MAML2: variants seen among roughly 807,000 people sequenced by gnomAD.
MAML2 encodes mastermind like transcriptional coactivator 2.
Under a neutral mutation model 96.1 loss-of-function variants are expected in MAML2, and 22 were observed. The observed-to-expected ratio is 0.23, with a 90% CI of 0.16 to 0.33. The LOEUF is 0.33. Among genes scored for constraint, MAML2 ranks in the 10% least tolerant of loss-of-function variants. The pLI, the probability that MAML2 is intolerant of heterozygous loss-of-function variation, is 1.00. For missense variants in MAML2, 1,367 were observed against 1,392.4 expected (o/e 0.98, Z 0.29); for synonymous variants, 561 against 521.3 (o/e 1.08, Z -1.04).
chr11:96,120,773 T>G (rs1860324604), intron 1 of MAML2, among the ~76,000 whole-genome samples: 1 of 152,208 alleles, frequency 6.6e-6, no homozygotes, highest in Non-Finnish European at 1.5e-5. Flanking sequence ...CCAAGAATTG[T>G]ATTTTTAAAA....
intron 2 of MAML2, among the ~76,000 whole-genome samples, chr11:96,005,623 C>T (rs1378701409): frequency 6.6e-6 from 1 of 152,076 alleles, no homozygotes; most frequent in Non-Finnish European, 1.5e-5. Context: ...AGGTGGTTGT[C>T]TTCTGATGAC....
In MAML2 at chr11:96,240,474, C is replaced by G. The variant is rs188812087; in HGVS notation, c.513+100909G>C. ...CTGAGGCAGGAGAATGGCGTGAACC[C>G]CGGGAGGCAGAGCTTGCAGTGAGCC... On this transcript the variant is annotated intron_variant, in intron 1 of 4. Transcript: ENST00000524717. 2.5e-3 allele frequency among the ~76,000 whole-genome samples: 350 copies of G among 142,202 alleles called. 1 individual carries two copies. Among genetic ancestry groups the G allele is most frequent in the African/African-American group, 8.8e-3 (339 of 38,600 alleles). 93.3% of individuals were successfully genotyped at this position (142,202 alleles called of 152,430 possible). A position where few individuals can be genotyped will look rare whatever the true frequency, so the allele number is the denominator to read the frequency against.
At chr11:96,141,067 G>C (rs1315898368) in intron 1 of MAML2, among the ~76,000 whole-genome samples, 1 of 152,112 alleles carries the variant, frequency 6.6e-6, no homozygotes, top group African/African-American at 2.4e-5. Context: ...CCATACTGTT[G>C]ACCATATCTT....
chr11:96,202,478 C>T (rs1313425845), intron 1 of MAML2, among the ~76,000 whole-genome samples: 1 of 152,036 alleles, frequency 6.6e-6, no homozygotes, highest in Non-Finnish European at 1.5e-5. Flanking sequence ...TAGGAAAGTG[C>T]TAATTGCTTC....
At chr11:96,232,466 A>G (rs1003600810) in intron 1 of MAML2, among the ~76,000 whole-genome samples, 2 of 122,198 alleles carry the variant, frequency 1.6e-5, no homozygotes, top group African/African-American at 5.7e-5. Context: ...AAAGAAAAGG[A>G]AGGCATTTTT....
At chr11:96,155,550 A>ATATATATATATATATATATATG (rs1860999536) in intron 1 of MAML2, among the ~76,000 whole-genome samples, 2 of 128,320 alleles carry the variant, frequency 1.6e-5, no homozygotes, top group Admixed American at 7.9e-5. Context: ...ATATATATAT[A>ATATATATATATATATATATATG]TGAGGAAAGT....
chr11:96,323,568 A>G (rs1863738031), intron 1 of MAML2, among the ~76,000 whole-genome samples: 1 of 152,152 alleles, frequency 6.6e-6, no homozygotes. Flanking sequence ...GGCACTTACA[A>G]TGAATTAACT....
intron 2 of MAML2, among the ~76,000 whole-genome samples, 184 bp from the exon 3 acceptor site, chr11:95,991,907 C>T (rs1857920286): frequency 6.6e-6 from 1 of 152,064 alleles, no homozygotes; most frequent in South Asian, 2.1e-4. Flanking sequence ...AACACAGCAA[C>T]CAAAGCAGCT....
chr11:96,175,291 T>C (rs1861367098), intron 1 of MAML2, among the ~76,000 whole-genome samples: 1 of 152,202 alleles, frequency 6.6e-6, no homozygotes, highest in Admixed American at 6.5e-5. Flanking sequence ...GGAAACCAAA[T>C]TAAACTTTGT....
intron 1 of MAML2, among the ~76,000 whole-genome samples, chr11:96,183,601 G>A (rs1861525469): frequency 2.0e-5 from 3 of 150,674 alleles, no homozygotes; most frequent in Non-Finnish European, 3.0e-5. Flanking sequence ...GCAACAGGGG[G>A]ATCTCCCTGT....
intron 2 of MAML2, among the ~76,000 whole-genome samples, chr11:96,043,999 A>G (rs977213261): frequency 2.0e-5 from 3 of 152,250 alleles, no homozygotes; most frequent in African/African-American, 2.4e-5. Context: ...CCCAGGGCCT[A>G]TGGCCCATGG....
intron 2 of MAML2, among the ~76,000 whole-genome samples, chr11:96,069,770 AT>A (rs1859310934): frequency 1.3e-5 from 2 of 152,276 alleles, no homozygotes; most frequent in East Asian, 3.9e-4. Flanking sequence ...CACACCTGTA[AT>A]CCCAGCACTT....
At chr11:96,193,361 T>A (rs1861683631) in intron 1 of MAML2, among the ~76,000 whole-genome samples, 1 of 152,082 alleles carries the variant, frequency 6.6e-6, no homozygotes. Context: ...AGGGCGAGAC[T>A]CCATTTCAAC....
At chr11:96,166,215 A>ACACACCC (rs1372110272) in intron 1 of MAML2, among the ~76,000 whole-genome samples, 2 of 145,274 alleles carry the variant, frequency 1.4e-5, no homozygotes, top group Non-Finnish European at 3.0e-5. Context: ...ACACACACAC[A>ACACACCC]CCCCACATTA....
At chr11:96,258,892 G>T (rs1375685760) in intron 1 of MAML2, among the ~76,000 whole-genome samples, 1 of 151,876 alleles carries the variant, frequency 6.6e-6, no homozygotes, top group Admixed American at 6.6e-5. Flanking sequence ...GGCAGATGTT[G>T]GTATCCCAGC....
chr11:96,052,712 A>G (rs1859006852), intron 2 of MAML2, among the ~76,000 whole-genome samples: 1 of 152,168 alleles, frequency 6.6e-6, no homozygotes, highest in Admixed American at 6.6e-5. Context: ...CCATTTTGTG[A>G]GTTTCCTTCT....
At chr11:96,291,743 C>T (rs1389814417) in intron 1 of MAML2, among the ~76,000 whole-genome samples, 1 of 152,202 alleles carries the variant, frequency 6.6e-6, no homozygotes, top group East Asian at 1.9e-4. Context: ...CACGCACACA[C>T]ATGCATACAT....
intron 1 of MAML2, among the ~76,000 whole-genome samples, chr11:96,116,163 TG>T: frequency 6.6e-6 from 1 of 152,326 alleles, no homozygotes; most frequent in Non-Finnish European, 1.5e-5. Context: ...CAGTGCTTTT[TG>T]GTTTCTCTTT....
chr11:96,336,488 G>GC (rs1863922787), intron 1 of MAML2, among the ~76,000 whole-genome samples: 1 of 152,220 alleles, frequency 6.6e-6, no homozygotes. Flanking sequence ...CAGGAAGCCT[G>GC]CTGGAGTGTG....
Sources: gnomAD v4.1 joint callset for allele counts (sites outside exome capture counted in the v4.1 genomes callset) on GRCh38, gnomAD v4.1.1 for gene constraint, MANE v1.5 for transcripts, NCBI Gene and HGNC (gene_info 2026-07-23, HGNC 2026-07-21) for gene names.